Variants in TENM2 observed in about 807,000 individuals in gnomAD.
The protein encoded by TENM2 is teneurin-2.
A neutral mutation model predicts 245.2 loss-of-function variants in TENM2; 52 were observed. The ratio of observed to expected loss-of-function variants is 0.21; its 90% CI spans 0.17 to 0.27. TENM2 has a LOEUF of 0.27. TENM2 is among the 10% of genes least tolerant of loss of function. The pLI is 1.00. For missense variants in TENM2, 3,046 were observed against 3,666.8 expected, an observed-to-expected ratio of 0.83 and a Z score of 4.37; for synonymous variants, 1,363 against 1,438.9, an observed-to-expected ratio of 0.95 and a Z score of 1.19.
intron 1 of TENM2, among the ~76,000 whole-genome samples, chr5:167,290,643 C>T (rs1259838753): frequency 1.3e-5 from 2 of 151,910 alleles, no homozygotes; most frequent in Admixed American, 1.3e-4. Context: ...CATTTCTTTC[C>T]CAAAGATGAA....
In TENM2 at chr5:167,884,792, A is replaced by G. The variant is rs187066009; in HGVS notation, c.712+8597A>G. On this transcript the variant is annotated intron_variant, in intron 3 of 28. Transcript: ENST00000518659. ...TAACCAAAAGTGGAATCATTGAATCATACAGTAATTCTATACTTAATTTTT... is the reference window on the plus strand; with the variant it reads ...TAACCAAAAGTGGAATCATTGAATCGTACAGTAATTCTATACTTAATTTTT... Among the ~76,000 whole-genome samples the G allele has an allele frequency of 3.1e-4, 47 of 152,294 alleles. 1 individual carries two copies. Among genetic ancestry groups the G allele is most frequent in the Admixed American group, 1.4e-3 (21 of 15,292 alleles).
At chr5:168,121,026 C>T (rs1334799058) in intron 10 of TENM2, among the ~76,000 whole-genome samples, 1 of 152,178 alleles carries the variant, frequency 6.6e-6, no homozygotes, top group Non-Finnish European at 1.5e-5. Flanking sequence ...ATGTCAGTTT[C>T]ATGGTTGAGT....
chr5:167,856,247 A>C (rs1307125799), intron 2 of TENM2, among the ~76,000 whole-genome samples: 2 of 151,988 alleles, frequency 1.3e-5, no homozygotes, highest in African/African-American at 2.4e-5. Context: ...TCCTGCCCCC[A>C]CTTTGCCAAA....
chr5:167,748,528 A>G (rs1189636585), intron 2 of TENM2, among the ~76,000 whole-genome samples: 1 of 152,082 alleles, frequency 6.6e-6, no homozygotes, highest in Admixed American at 6.6e-5. Context: ...ACATGGGACT[A>G]CAGGCACATG....
rs372168479 is a variant in TENM2, at chr5:167,334,232, G to C, written c.227-40966G>C. On this transcript the variant is annotated intron_variant, in intron 1 of 28. Coordinates refer to ENST00000518659, the Ensembl canonical transcript of TENM2. ...GTTCACTTAGTTAGGAAAGGGTGGA[G>C]TTGGGTTCTAGCCCAGAGTGTCTGC... is the stretch of plus-strand genomic sequence containing the variant. Among the ~76,000 whole-genome samples the C allele has an allele frequency of 4.5e-4, 68 of 152,290 alleles. No individual in the cohort carries two copies. In the East Asian group the frequency reaches 6.8e-3, roughly 15 times the overall value.
At chr5:168,176,030 G>A (rs1210266752) in intron 13 of TENM2, among the ~76,000 whole-genome samples, 1 of 152,132 alleles carries the variant, frequency 6.6e-6, no homozygotes, top group Non-Finnish European at 1.5e-5. Flanking sequence ...ACAGATTTTG[G>A]GATGCCCCCT....
intron 4 of TENM2, among the ~76,000 whole-genome samples, chr5:167,977,053 A>G (rs1404352955): frequency 1.3e-5 from 2 of 152,192 alleles, no homozygotes; most frequent in African/African-American, 2.4e-5. Context: ...TCCTTAGCAA[A>G]CTAACACAGG....
At chr5:168,173,893 G>A (rs542759727) in intron 13 of TENM2, among the ~76,000 whole-genome samples, 1 of 152,260 alleles carries the variant, frequency 6.6e-6, no homozygotes, top group East Asian at 1.9e-4. Flanking sequence ...AAGGAAGGAG[G>A]GAAAAGCATT....
intron 2 of TENM2, 140 bp from the exon 5 acceptor site, chr5:167,875,846 T>C (rs1773373030): frequency 3.1e-6 from 2 of 636,220 alleles, no homozygotes; most frequent in Admixed American, 5.9e-5. Flanking sequence ...ACCACTCTTT[T>C]AAAAAAGCAC....
intron 5 of TENM2, among the ~76,000 whole-genome samples, chr5:168,030,320 C>T (rs1347631173): frequency 6.6e-6 from 1 of 151,918 alleles, no homozygotes; most frequent in African/African-American, 2.4e-5. Context: ...TCACCTCCTC[C>T]ACCTTCATAG....
In TENM2 at chr5:167,906,817, G is replaced by A. The variant is rs192550835; in HGVS notation, c.712+30622G>A. 9.3e-4 allele frequency among the ~76,000 whole-genome samples: 141 copies of A among 152,174 alleles called. No individual in the cohort carries two copies. The East Asian group carries it at 0.023, about 25-fold the overall frequency. ...ACGTTACATCCCTTTGATTAAAAAA[G>A]AGAGTCAGGAAAGCTAAAAAAAGAG... On this transcript the variant is annotated intron_variant, in intron 3 of 28. Coordinates refer to ENST00000518659, the Ensembl canonical transcript of TENM2.
At chr5:167,776,161 C>CCACACACACACA (rs66740766) in intron 2 of TENM2, among the ~76,000 whole-genome samples, 8,460 of 133,018 alleles carry the variant, frequency 0.064, 626 homozygotes, top group African/African-American at 0.17. Context: ...AAAAAAAAAT[C>CCACACACACACA]CACACACACA....
chr5:168,231,266 G>T (rs1031450625), intron 25 of TENM2, among the ~76,000 whole-genome samples: 2 of 152,194 alleles, frequency 1.3e-5, no homozygotes, highest in Non-Finnish European at 2.9e-5. Flanking sequence ...GAGTGATCAG[G>T]TCTCCCGTTT....
intron 17 of TENM2, among the ~76,000 whole-genome samples, chr5:168,201,462 G>C (rs1383652592): frequency 1.3e-5 from 2 of 151,932 alleles, no homozygotes; most frequent in African/African-American, 4.8e-5. Context: ...ATCAACTCAT[G>C]ATGAGGCCTG....
intron 21 of TENM2, among the ~76,000 whole-genome samples, chr5:168,216,139 C>A (rs1763172944): frequency 1.3e-5 from 2 of 152,140 alleles, no homozygotes; most frequent in Non-Finnish European, 2.9e-5. Context: ...ATTAAGGAGG[C>A]AAAGCCTTGT....
intron 2 of TENM2, among the ~76,000 whole-genome samples, chr5:167,425,176 A>G (rs1763738116): frequency 6.6e-6 from 1 of 152,246 alleles, no homozygotes; most frequent in Non-Finnish European, 1.5e-5. Context: ...TTATTTCTAA[A>G]TACCACTTAA....
intron 2 of TENM2, among the ~76,000 whole-genome samples, chr5:167,477,325 G>C (rs1383848027): frequency 6.7e-6 from 1 of 148,626 alleles, no homozygotes; most frequent in Non-Finnish European, 1.5e-5. Context: ...CCTTTGACTC[G>C]TGCTAAGGAA....
intron 3 of TENM2, among the ~76,000 whole-genome samples, 160 bp downstream of exon 5, chr5:167,876,355 T>C (rs574268096): frequency 1.3e-5 from 2 of 152,210 alleles, no homozygotes; most frequent in South Asian, 2.1e-4. Flanking sequence ...ATTTTCAAGA[T>C]ACATCTGTAG....
chr5:167,626,436 C>T (rs1234007031), intron 2 of TENM2, among the ~76,000 whole-genome samples: 2 of 152,186 alleles, frequency 1.3e-5, no homozygotes, highest in Non-Finnish European at 2.9e-5. Context: ...CAATTCCAGT[C>T]TTCCTTATTC....
Sources: allele counts gnomAD v4.1 joint callset (sites outside exome capture counted in the v4.1 genomes callset), GRCh38; gene constraint gnomAD v4.1.1; transcripts MANE v1.5; gene names NCBI Gene and HGNC (gene_info 2026-07-23, HGNC 2026-07-21).